The following SBF2 variants were observed in gnomAD, a reference collection of about 807,000 sequenced individuals.
SBF2 encodes myotubularin-related protein 13.
A neutral mutation model predicts 225.2 loss-of-function variants in SBF2; 112 were observed. The observed-to-expected ratio is 0.50, with a 90% CI of 0.43 to 0.58. The LOEUF is 0.58. SBF2 is among the 20% of genes least tolerant of loss of function. The pLI, the probability that SBF2 is intolerant of heterozygous loss-of-function variation, is 0.00. For missense variants in SBF2, 1,996 were observed against 2,206.2 expected (o/e 0.90, Z 1.91); for synonymous variants, 763 against 773.3 (o/e 0.99, Z 0.22).
intron 2 of SBF2, among the ~76,000 whole-genome samples, chr11:10,188,352 G>A (rs1356820988): frequency 6.6e-6 from 1 of 152,114 alleles, no homozygotes; most frequent in East Asian, 1.9e-4. Flanking sequence ...ATGATACCAT[G>A]TAACGAAGTC....
At position 10,029,769 on chromosome 11, in the gene SBF2, G is replaced by C; in HGVS notation, c.509C>G (p.Ser170Cys). Reference protein sequence around the residue: ...CACLVPAAGGSQKLFSLGAGD... With the variant: ...CACLVPAAGGCQKLFSLGAGD... ...CTCTCTTTCTATTCTATTTACCTGA[G>C]ACCCTCCAGCCGCTGGGACAAGGCA... The change falls in exon 5 of 40, where the codon TCT becomes TGT. Residue 170 changes from serine to cysteine, a missense_variant. Transcript: ENST00000256190. The C allele has an allele frequency of 6.2e-7, 1 of 1,603,402 alleles. No homozygotes were observed. Among genetic ancestry groups the C allele is most frequent in the Non-Finnish European group, 8.5e-7 (1 of 1,170,294 alleles).
chr11:10,031,207 G>C (rs1244570015), intron 3 of SBF2, 37 bp from the exon 4 acceptor site: 1 of 1,606,932 alleles, frequency 6.2e-7, no homozygotes, highest in South Asian at 1.1e-5. Flanking sequence ...AAACAGAAGG[G>C]ATTTCCTAGG....
At chr11:9,821,893 C>T (rs1008400559) in intron 28 of SBF2, among the ~76,000 whole-genome samples, 1 of 152,108 alleles carries the variant, frequency 6.6e-6, no homozygotes, top group East Asian at 1.9e-4. Flanking sequence ...CATGATCAAA[C>T]AAGTTTGAAA....
intron 2 of SBF2, among the ~76,000 whole-genome samples, chr11:10,105,627 T>A (rs1388168384): frequency 6.6e-6 from 1 of 152,170 alleles, no homozygotes; most frequent in African/African-American, 2.4e-5. Flanking sequence ...TTAGAGAATA[T>A]CCAGTGTAAG....
chr11:10,304,707 T>G (rs1023193315), exon 1 of SBF2: 18 of 152,346 alleles, frequency 1.2e-4, no homozygotes, highest in African/African-American at 4.1e-4. Context: ...CGCGGGCTCT[T>G]GCTGTTCTTC....
chr11:9,837,066 T>G (rs908006520), intron 26 of SBF2, among the ~76,000 whole-genome samples: 1 of 152,338 alleles, frequency 6.6e-6, no homozygotes, highest in African/African-American at 2.4e-5. Flanking sequence ...TTTTCAATTT[T>G]TATACCTTTT....
Position 9,876,942 on chromosome 11 carries a change from T to A in SBF2, c.1930-18546A>T, listed in dbSNP as rs143024959. On this transcript the variant is annotated intron_variant, in intron 17 of 39. Transcript: ENST00000256190. ...TTAGTAAAGACAGGGTTTCACCATG[T>A]TGGCCAGGCTGCTCTCAAACTCCTG... 6.8e-3 allele frequency among the ~76,000 whole-genome samples: 1,038 copies of A among 152,322 alleles called. 10 individuals carry two copies. The highest frequency in any genetic ancestry group is 0.024 in the African/African-American group (984 of 41,568).
At chr11:10,283,494 C>T (rs1384892009) in intron 1 of SBF2, among the ~76,000 whole-genome samples, 2 of 151,576 alleles carry the variant, frequency 1.3e-5, no homozygotes, top group Admixed American at 1.3e-4. Context: ...AGAAACATGT[C>T]GAATGTTCTC....
chr11:9,802,161 T>C (rs971166371), intron 32 of SBF2, among the ~76,000 whole-genome samples: 7 of 152,232 alleles, frequency 4.6e-5, no homozygotes, highest in African/African-American at 1.7e-4. Flanking sequence ...TATTATATTT[T>C]AAAAAGAAAG....
At chr11:9,840,899 TA>T (rs1441978412) in intron 25 of SBF2, among the ~76,000 whole-genome samples, 1 of 151,538 alleles carries the variant, frequency 6.6e-6, no homozygotes, top group African/African-American at 2.4e-5. Context: ...AATAATCAAA[TA>T]TTTTAGGGAG....
intron 2 of SBF2, among the ~76,000 whole-genome samples, chr11:10,175,004 G>A (rs1956390921): frequency 6.6e-6 from 1 of 152,014 alleles, no homozygotes; most frequent in Non-Finnish European, 1.5e-5. Flanking sequence ...AAGAGCTCCT[G>A]AAGGAAGCGC....
At chr11:10,229,190 A>G (rs904778727) in intron 1 of SBF2, among the ~76,000 whole-genome samples, 11 of 151,884 alleles carry the variant, frequency 7.2e-5, no homozygotes, top group Admixed American at 7.2e-4. Context: ...TATTGCATCT[A>G]TTTGATTCTT....
At chr11:10,110,828 G>A (rs1047339985) in intron 2 of SBF2, among the ~76,000 whole-genome samples, 2 of 152,038 alleles carry the variant, frequency 1.3e-5, no homozygotes, top group Non-Finnish European at 2.9e-5. Flanking sequence ...TGATCTAGTT[G>A]AAATGTTTAA....
chr11:9,968,411 A>C lies in SBF2; in HGVS notation c.1530T>G (p.Ala510=), dbSNP rs1178239197. 1.2e-6 allele frequency: 2 copies of C among 1,614,034 alleles called. No individual in the cohort carries two copies. The highest frequency in any genetic ancestry group is 1.7e-6 in the Non-Finnish European group (2 of 1,180,040). The change falls in exon 14 of 40, where the codon GCT becomes GCG. Residue 510 remains alanine (A), a synonymous_variant. Transcript: ENST00000256190. The part of the protein sequence containing the change: ...RVQELIQENV[A]KNQNAPPATR... ...TGGCAGGAGGTGCATTCTGGTTCTT[A>C]GCAACATTTTCCTGTATTAATTCCT...
intron 2 of SBF2, among the ~76,000 whole-genome samples, chr11:10,054,522 C>G (rs941316211): frequency 6.6e-6 from 1 of 151,884 alleles, no homozygotes; most frequent in Non-Finnish European, 1.5e-5. Context: ...ACTAAGGCCC[C>G]GAAAGTAAAT....
chr11:10,222,459 T>A (rs190682650), intron 1 of SBF2, among the ~76,000 whole-genome samples: 90 of 152,200 alleles, frequency 5.9e-4, no homozygotes, highest in Admixed American at 9.8e-4. Context: ...AAGTAGAAAT[T>A]CTAGATCTGA....
At chr11:10,260,736 A>G (rs1961347441) in intron 1 of SBF2, among the ~76,000 whole-genome samples, 1 of 150,214 alleles carries the variant, frequency 6.7e-6, no homozygotes, top group African/African-American at 2.4e-5. Flanking sequence ...TAAAAATTAG[A>G]TGGGCGAGGT....
chr11:9,865,450 A>T (rs1391942245), intron 17 of SBF2, among the ~76,000 whole-genome samples: 1 of 151,842 alleles, frequency 6.6e-6, no homozygotes, highest in Non-Finnish European at 1.5e-5. Flanking sequence ...AGTACTTTGG[A>T]AGGCTGAGGC....
At chr11:9,866,778 C>T (rs985812663) in intron 17 of SBF2, among the ~76,000 whole-genome samples, 2 of 152,014 alleles carry the variant, frequency 1.3e-5, no homozygotes, top group Non-Finnish European at 2.9e-5. Context: ...AAACAATTAG[C>T]AAACTAAAGA....
Sources: allele counts gnomAD v4.1 joint callset (sites outside exome capture counted in the v4.1 genomes callset), GRCh38; gene constraint gnomAD v4.1.1; transcripts MANE v1.5; gene names NCBI Gene and HGNC (gene_info 2026-07-23, HGNC 2026-07-21).